Variants in KLHL22 observed in about 807,000 individuals in gnomAD.
KLHL22 encodes kelch like family member 22.
Under a neutral mutation model 60.7 loss-of-function variants are expected in KLHL22, and 18 were observed. That is an observed-to-expected ratio of 0.30 (90% confidence interval 0.20 to 0.44). The LOEUF (loss-of-function observed/expected upper bound fraction) is 0.44, where lower values mean the gene tolerates loss of function less well. Ranked by LOEUF, KLHL22 falls within the 20% of genes least tolerant of loss-of-function variation. The pLI, the probability that KLHL22 is intolerant of heterozygous loss-of-function variation, is 1.00. For missense variants in KLHL22, 596 were observed against 852.3 expected (o/e 0.70, Z 3.74); for synonymous variants, 355 against 354.5 (o/e 1.00, Z -0.01).
chr22:20,446,172 G>A (rs201730742), intron 6 of KLHL22, among the ~76,000 whole-genome samples: 2 of 152,328 alleles, frequency 1.3e-5, no homozygotes, highest in East Asian at 3.9e-4. Context: ...TGTGGACTCT[G>A]GTTGATGGTG....
At chr22:20,462,331 G>C (rs746793880) in intron 4 of KLHL22, among the ~76,000 whole-genome samples, 2 of 150,796 alleles carry the variant, frequency 1.3e-5, no homozygotes, top group African/African-American at 2.4e-5. Context: ...GCCATGAAAT[G>C]CCGAAGGAAA....
chr22:20,450,621 T>C, intron 5 of KLHL22: 2 of 1,593,366 alleles, frequency 1.3e-6, no homozygotes, highest in African/African-American at 1.3e-5. Context: ...TGGTACAGCA[T>C]GAAGAGTTCA....
At chr22:20,483,033 G>A in intron 2 of KLHL22, 2 of 673,382 alleles carry the variant, frequency 3.0e-6, no homozygotes, top group East Asian at 2.7e-5. Flanking sequence ...TCCTAGGCCT[G>A]GCACTGTCCC....
intron 2 of KLHL22, among the ~76,000 whole-genome samples, chr22:20,472,183 G>A (rs2053337549): frequency 6.6e-6 from 1 of 152,186 alleles, no homozygotes; most frequent in Non-Finnish European, 1.5e-5. Flanking sequence ...GGAGACGGAG[G>A]GTGCCATGAG....
intron 1 of KLHL22, among the ~76,000 whole-genome samples, chr22:20,492,594 C>CTT (rs528646242): frequency 6.9e-6 from 1 of 144,832 alleles, no homozygotes; most frequent in Non-Finnish European, 1.5e-5. Flanking sequence ...CAAACCTGCC[C>CTT]TTTTTTTTTT....
At chr22:20,456,780 T>C (rs139798920) in intron 5 of KLHL22, among the ~76,000 whole-genome samples, 7 of 152,272 alleles carry the variant, frequency 4.6e-5, no homozygotes, top group African/African-American at 1.7e-4. Context: ...GCTGGATCCA[T>C]TGAGGAGACA....
chr22:20,473,428 T>C (rs1431710946), intron 2 of KLHL22, among the ~76,000 whole-genome samples: 1 of 152,184 alleles, frequency 6.6e-6, no homozygotes, highest in Non-Finnish European at 1.5e-5. Context: ...CCTCCAAGTG[T>C]AGACACTGAT....
chr22:20,471,974 C>T (rs1004433922), intron 2 of KLHL22, among the ~76,000 whole-genome samples: 89 of 152,182 alleles, frequency 5.8e-4, no homozygotes, highest in African/African-American at 2.1e-3. Flanking sequence ...AGGCCAGGCA[C>T]GGTGACTCAC....
chr22:20,489,759 T>C, intron 1 of KLHL22: 4 of 471,120 alleles, frequency 8.5e-6, no homozygotes, highest in South Asian at 6.2e-5. Flanking sequence ...TGCATAAAAA[T>C]GGCAAGACCT....
intron 1 of KLHL22, chr22:20,491,095 T>G (rs2053680741): frequency 6.6e-6 from 1 of 152,150 alleles, no homozygotes; most frequent in African/African-American, 2.4e-5. Flanking sequence ...AAAATACTCA[T>G]GTCTACTGGT....
rs371297720 is a variant in KLHL22, at chr22:20,461,446, G to A, written c.1112+3412C>T. Among the ~76,000 whole-genome samples the A allele has an allele frequency of 7.3e-5, 11 of 151,106 alleles. No homozygotes were observed. The East Asian group carries it at 1.6e-3, about 22-fold the overall frequency. ...TGGGCGCTTGTAGTCCCACCTACTCGGGAGGCTGAGGCAGGAGAATGGTGT... is the reference window on the plus strand; with the variant it reads ...TGGGCGCTTGTAGTCCCACCTACTCAGGAGGCTGAGGCAGGAGAATGGTGT... On this transcript the variant is annotated intron_variant, in intron 4 of 6. Coordinates refer to ENST00000328879, the MANE Select transcript of KLHL22 (RefSeq NM_032775.4).
chr22:20,470,365 A>T (rs1340873077), intron 3 of KLHL22, among the ~76,000 whole-genome samples: 1 of 150,990 alleles, frequency 6.6e-6, no homozygotes, highest in African/African-American at 2.4e-5. Context: ...AAAAAAAAAA[A>T]TAGGCCAGGC....
chr22:20,449,870 G>C (rs1348089828), intron 5 of KLHL22, among the ~76,000 whole-genome samples: 1 of 152,146 alleles, frequency 6.6e-6, no homozygotes, highest in African/African-American at 2.4e-5. Context: ...TCCTTGCCTA[G>C]CCCTAGCTAG....
intron 5 of KLHL22, among the ~76,000 whole-genome samples, chr22:20,447,068 C>T (rs1223008506): frequency 6.6e-6 from 1 of 152,228 alleles, no homozygotes; most frequent in African/African-American, 2.4e-5. Context: ...CCCACTCCCA[C>T]TGGACATGCA....
chr22:20,484,949 T>A (rs776449405), intron 2 of KLHL22, among the ~76,000 whole-genome samples: 1 of 152,058 alleles, frequency 6.6e-6, no homozygotes, highest in East Asian at 1.9e-4. Flanking sequence ...CTGAAAAAAT[T>A]TAAATGGCAT....
chr22:20,486,643 T>C (rs895814649), intron 2 of KLHL22, among the ~76,000 whole-genome samples: 2 of 151,904 alleles, frequency 1.3e-5, no homozygotes, highest in African/African-American at 2.4e-5. Flanking sequence ...CTAAAACAAA[T>C]AATAAACATG....
At chr22:20,446,706 G>T in intron 5 of KLHL22, 30 bp from the exon 6 acceptor site, 1 of 1,570,204 alleles carries the variant, frequency 6.4e-7, no homozygotes, top group Non-Finnish European at 8.7e-7. Flanking sequence ...GAAATGGCGT[G>T]AGAGGGCAGT....
At chr22:20,466,182 T>C (rs914315041) in intron 3 of KLHL22, among the ~76,000 whole-genome samples, 3 of 152,036 alleles carry the variant, frequency 2.0e-5, no homozygotes, top group African/African-American at 7.3e-5. Context: ...GAGACCAGCC[T>C]GACCAACATG....
At chr22:20,443,171 A>G (rs1310155498) in intron 6 of KLHL22, among the ~76,000 whole-genome samples, 1 of 152,192 alleles carries the variant, frequency 6.6e-6, no homozygotes, top group Admixed American at 6.5e-5. Context: ...CAGAAAAGGA[A>G]TTTGGCAATA....
Sources: allele counts gnomAD v4.1 joint callset (sites outside exome capture counted in the v4.1 genomes callset), GRCh38; gene constraint gnomAD v4.1.1; transcripts MANE v1.5; gene names NCBI Gene and HGNC (gene_info 2026-07-23, HGNC 2026-07-21).